SDR42E1: variants seen among roughly 807,000 people sequenced by gnomAD.
The protein encoded by SDR42E1 is short-chain dehydrogenase/reductase family 42E member 1.
Under a neutral mutation model 2.6 loss-of-function variants are expected in SDR42E1, and 5 were observed. The observed-to-expected ratio is 1.94, with a 90% CI of 1.01 to 4.08. SDR42E1 has a LOEUF of 4.08. Among genes scored for constraint, SDR42E1 ranks in the 30% most tolerant of loss-of-function variants. SDR42E1 has a pLI of 0.00. For synonymous variants in SDR42E1, 231 were observed against 188.3 expected (o/e 1.23, Z -1.86); for missense variants, 596 against 478.6 (o/e 1.25, Z -2.29).
In SDR42E1 at chr16:81,990,370, T is replaced by C. The variant is rs1912399465; in HGVS notation, c.*8741A>G. 3 of 152,208 alleles carry C rather than the reference T, an allele frequency of 2.0e-5. No individual in the cohort carries two copies. The highest frequency in any genetic ancestry group is 7.2e-5 in the African/African-American group (3 of 41,444). 9.4% of individuals were successfully genotyped at this position (152,208 alleles called of 1,614,324 possible). A position where few individuals can be genotyped will look rare whatever the true frequency, so the allele number is the denominator to read the frequency against. On this transcript the variant is annotated 3_prime_UTR_variant, in exon 3 of 3. Transcript: ENST00000328945. ...TATGGCAGGAAATCAATGAAACATT[T>C]TCACTGAACCATCTCTACCCGCATA... is the stretch of plus-strand genomic sequence containing the variant.
At chr16:82,001,487 C>T (rs1447010356) in intron 1 of SDR42E1, among the ~76,000 whole-genome samples, 3 of 152,126 alleles carry the variant, frequency 2.0e-5, no homozygotes, top group African/African-American at 2.4e-5. Flanking sequence ...CTTTGGGGAT[C>T]CCACTTCTCT....
rs369065439 is a variant in SDR42E1, at chr16:81,999,683, T to C, written c.610A>G (p.Ile204Val). ...QRHLPRIVSY[I>V]EKGLFKFVYG... The stretch of plus-strand genomic sequence containing the variant: ...ACAAACTTGAACAGACCCTTCTCGA[T>C]GTAGCTGACTATCCTGGGAAGGTGT... Residue 204 changes from isoleucine to valine, a missense_variant, in exon 3 of 3, where the codon ATC becomes GTC. Ile to Val is a conservative substitution (Grantham distance 29). Transcript: ENST00000328945. 16 of 1,614,220 alleles carry C rather than the reference T, an allele frequency of 9.9e-6. No individual in the cohort carries two copies. The highest frequency in any genetic ancestry group is 2.2e-5 in the East Asian group (1 of 44,880).
intron 1 of SDR42E1, 24 bp from the exon 2 acceptor site, chr16:82,000,908 T>C: frequency 1.3e-6 from 2 of 1,483,882 alleles, no homozygotes; most frequent in African/African-American, 1.4e-5. Context: ...TATGCATCAC[T>C]GTTACTGATC....
chr16:82,007,184 A>G (rs1175130066), intron 1 of SDR42E1, among the ~76,000 whole-genome samples: 2 of 152,258 alleles, frequency 1.3e-5, no homozygotes, highest in East Asian at 3.8e-4. Context: ...TAGACCCAGT[A>G]AATATAAATG....
Position 81,996,900 on chromosome 16 carries a change from C to G in SDR42E1, c.*2211G>C, listed in dbSNP as rs933813328. ...AATACGGCTAACCTGTGTAAACACCCGAGACTGTGGAAACGACAGTGCATG... is the reference window on the plus strand; with the variant it reads ...AATACGGCTAACCTGTGTAAACACCGGAGACTGTGGAAACGACAGTGCATG... On this transcript the variant is annotated 3_prime_UTR_variant, in exon 3 of 3. Coordinates refer to ENST00000328945, the MANE Select transcript of SDR42E1 (RefSeq NM_145168.3). 6.6e-5 allele frequency: 10 copies of G among 152,132 alleles called. No homozygotes were observed. The highest frequency in any genetic ancestry group is 2.2e-4 in the African/African-American group (9 of 41,434). 9.4% of individuals were successfully genotyped at this position (152,132 alleles called of 1,614,324 possible). A position where few individuals can be genotyped will look rare whatever the true frequency, so the allele number is the denominator to read the frequency against.
At chr16:82,004,659 C>T (rs528215581) in intron 1 of SDR42E1, among the ~76,000 whole-genome samples, 25 of 152,322 alleles carry the variant, frequency 1.6e-4, no homozygotes, top group Non-Finnish European at 2.4e-4. Context: ...TGCCATGATG[C>T]CTGGCTAATT....
rs752657272 is a variant in SDR42E1, at chr16:81,999,358, G to C, written c.935C>G (p.Thr312Ser). The change falls in exon 3 of 3, where the codon ACT becomes AGT. Residue 312 changes from threonine to serine, a missense_variant. Thr to Ser is a moderately conservative substitution (Grantham distance 58, BLOSUM62 1). Transcript: ENST00000328945. ...ACCAGTTTTGTAAACTTCAGTGCGA[G>C]TGAGGAAGGGCTGGAAGTTGTAGAG... ...GRLYNFQPFLTRTEVYKTGVT... is the reference protein window; with the variant it reads ...GRLYNFQPFLSRTEVYKTGVT... 1.2e-6 allele frequency: 2 copies of C among 1,614,218 alleles called. No homozygotes were observed. The highest frequency in any genetic ancestry group is 1.1e-5 in the South Asian group (1 of 91,090).
rs1298468965 is a variant in SDR42E1, at chr16:81,991,216, C to T, written c.*7895G>A. ...GGAATTCCAGTAGATTAACAGCACC[C>T]CCCGCCCACACACCTCAGCTCTACG... On this transcript the variant is annotated 3_prime_UTR_variant, in exon 3 of 3. Coordinates refer to ENST00000328945, the MANE Select transcript of SDR42E1 (RefSeq NM_145168.3). 1 of 152,170 alleles carries T rather than the reference C, an allele frequency of 6.6e-6. No individual in the cohort carries two copies. The highest frequency in any genetic ancestry group is 1.5e-5 in the Non-Finnish European group (1 of 68,060). The allele number at this position is 152,170 out of a possible 1,614,324, so 9.4% of individuals were successfully genotyped here.
chr16:82,005,751 C>T (rs1912912545), intron 1 of SDR42E1, among the ~76,000 whole-genome samples: 1 of 152,100 alleles, frequency 6.6e-6, no homozygotes, highest in Admixed American at 6.6e-5. Flanking sequence ...ATTGCTCTCC[C>T]CTGGTGGGGA....
At position 81,992,820 on chromosome 16, in the gene SDR42E1, C is replaced by G. The variant is rs78928223; in HGVS notation, c.*6291G>C. 1 of 151,862 alleles carries G rather than the reference C, an allele frequency of 6.6e-6. No homozygotes were observed. Among genetic ancestry groups the G allele is most frequent in the South Asian group, 2.1e-4 (1 of 4,768 alleles). The allele number at this position is 151,862 out of a possible 1,614,324, so 9.4% of individuals were successfully genotyped here. The stretch of plus-strand genomic sequence containing the variant: ...TTCAATGAACTCAAGTAATTATGAA[C>G]GCAACTTGAGTTCAATGAGTTCCTG... On this transcript the variant is annotated 3_prime_UTR_variant, in exon 3 of 3. Transcript: ENST00000328945.
rs1421735016 is a variant in SDR42E1 at position 81,998,189 on chromosome 16, T to G, written c.*922A>C. 1 of 152,262 alleles carries G rather than the reference T, an allele frequency of 6.6e-6. No individual in the cohort carries two copies. The highest frequency in any genetic ancestry group is 1.5e-5 in the Non-Finnish European group (1 of 68,046). 9.4% of individuals were successfully genotyped at this position (152,262 alleles called of 1,614,324 possible). A position where few individuals can be genotyped will look rare whatever the true frequency, so the allele number is the denominator to read the frequency against. On this transcript the variant is annotated 3_prime_UTR_variant, in exon 3 of 3. Transcript: ENST00000328945. ...CAGTAAGAAAACCCATCTATGAGTT[T>G]AGAGCTCTGCTTCATTTTTAAACTA... is the stretch of plus-strand genomic sequence containing the variant.
Position 81,999,089 on chromosome 16 carries a change from C to G in SDR42E1, c.*22G>C. 1.2e-6 allele frequency: 2 copies of G among 1,601,634 alleles called. No individual in the cohort carries two copies. Among genetic ancestry groups the G allele is most frequent in the Non-Finnish European group, 1.7e-6 (2 of 1,174,772 alleles). ...GAGAACCATCTCAGCCAACTGTGAT[C>G]ACCTTATTTCTGGCCCCTCCTTCAC... On this transcript the variant is annotated 3_prime_UTR_variant, in exon 3 of 3. Transcript: ENST00000328945.
rs991429538 is a variant in SDR42E1, at chr16:81,990,394, T to C, written c.*8717A>G. The stretch of plus-strand genomic sequence containing the variant: ...TTTCACTGAACCATCTCTACCCGCA[T>C]ATGCAGTTGTTTTTTTCAAACTACA... On this transcript the variant is annotated 3_prime_UTR_variant, in exon 3 of 3. Coordinates refer to ENST00000328945, the MANE Select transcript of SDR42E1 (RefSeq NM_145168.3). The C allele has an allele frequency of 3.3e-5, 5 of 152,236 alleles. No homozygotes were observed. Among genetic ancestry groups the C allele is most frequent in the East Asian group, 1.9e-4 (1 of 5,202 alleles). The allele number at this position is 152,236 out of a possible 1,614,324, so 9.4% of individuals were successfully genotyped here.
At position 81,995,692 on chromosome 16, in the gene SDR42E1, A is replaced by C. The variant is rs1026312689; in HGVS notation, c.*3419T>G. 1 of 152,246 alleles carries C rather than the reference A, an allele frequency of 6.6e-6. No homozygotes were observed. The highest frequency in any genetic ancestry group is 1.5e-5 in the Non-Finnish European group (1 of 68,060). 9.4% of individuals were successfully genotyped at this position (152,246 alleles called of 1,614,324 possible). ...ATCTGTGTGCTAGAAAAGAGTGTTC[A>C]TCCATAGCAGATGGGAAAACAGCAT... is the stretch of plus-strand genomic sequence containing the variant. On this transcript the variant is annotated 3_prime_UTR_variant, in exon 3 of 3. Coordinates refer to ENST00000328945, the MANE Select transcript of SDR42E1 (RefSeq NM_145168.3).
At chr16:82,006,044 C>T (rs1269491538) in intron 1 of SDR42E1, among the ~76,000 whole-genome samples, 2 of 152,168 alleles carry the variant, frequency 1.3e-5, no homozygotes, top group Admixed American at 1.3e-4. Flanking sequence ...TGATTACGCA[C>T]ACCGTTCCTT....
intron 1 of SDR42E1, among the ~76,000 whole-genome samples, chr16:82,003,587 A>T (rs1269722307): frequency 6.6e-6 from 1 of 152,166 alleles, no homozygotes; most frequent in Non-Finnish European, 1.5e-5. Flanking sequence ...CTTCAGTGTG[A>T]CACATCGTAT....
In SDR42E1 at chr16:81,991,069, C is replaced by A. The variant is rs1447206012; in HGVS notation, c.*8042G>T. 6.6e-6 allele frequency: 1 copy of A among 152,168 alleles called. No homozygotes were observed. Among genetic ancestry groups the A allele is most frequent in the African/African-American group, 2.4e-5 (1 of 41,446 alleles). 9.4% of individuals were successfully genotyped at this position (152,168 alleles called of 1,614,324 possible). Reference sequence around the variant, plus strand: ...TCAAGATACTGATTTAGAGGAGAGACTAGGACATGTGCAATGTGACCAATA... The same window carrying A: ...TCAAGATACTGATTTAGAGGAGAGAATAGGACATGTGCAATGTGACCAATA... On this transcript the variant is annotated 3_prime_UTR_variant, in exon 3 of 3. Transcript: ENST00000328945.
intron 1 of SDR42E1, among the ~76,000 whole-genome samples, chr16:82,008,494 T>C (rs2143867485): frequency 6.6e-6 from 1 of 152,324 alleles, no homozygotes; most frequent in East Asian, 1.9e-4. Context: ...AAGTCCAGGC[T>C]GAGGTGGTCT....
chr16:82,002,033 G>C (rs1912785343), intron 1 of SDR42E1, among the ~76,000 whole-genome samples: 1 of 151,400 alleles, frequency 6.6e-6, no homozygotes, highest in South Asian at 2.1e-4. Context: ...CAGAGGTGTG[G>C]TTAGGCATGA....
Sources: allele counts gnomAD v4.1 joint callset (sites outside exome capture counted in the v4.1 genomes callset), GRCh38; gene constraint gnomAD v4.1.1; transcripts MANE v1.5; gene names NCBI Gene and HGNC (gene_info 2026-07-23, HGNC 2026-07-21).